The following WASF1 variants were observed in gnomAD, a reference collection of about 807,000 sequenced individuals.
WASF1 encodes WASP family member 1.
WASF1 carries 7 observed loss-of-function variants against 50.5 expected under a neutral mutation model. That is an observed-to-expected ratio of 0.14 (90% CI 0.08 to 0.26). The LOEUF (loss-of-function observed/expected upper bound fraction) is 0.26. Ranked by LOEUF, WASF1 falls within the 10% of genes least tolerant of loss-of-function variation. The pLI, the probability that WASF1 is intolerant of heterozygous loss-of-function variation, is 1.00. For synonymous variants in WASF1, 205 were observed against 244.0 expected (o/e 0.84, Z 1.49); for missense variants, 470 against 694.7 (o/e 0.68, Z 3.64).
intron 2 of WASF1, among the ~76,000 whole-genome samples, chr6:110,174,288 C>G (rs1270377225): frequency 6.6e-6 from 1 of 152,106 alleles, no homozygotes; most frequent in African/African-American, 2.4e-5. Flanking sequence ...ACCAAAATTT[C>G]TAAGTACAAA....
intron 3 of WASF1, among the ~76,000 whole-genome samples, chr6:110,148,202 A>AT: frequency 6.6e-6 from 1 of 152,322 alleles, no homozygotes; most frequent in African/African-American, 2.4e-5. Flanking sequence ...ATTGTACTTT[A>AT]TATGAAAAAC....
At chr6:110,176,289 G>C (rs1191263885) in intron 2 of WASF1, among the ~76,000 whole-genome samples, 2 of 151,806 alleles carry the variant, frequency 1.3e-5, no homozygotes, top group Non-Finnish European at 2.9e-5. Flanking sequence ...ACTAGAAAAC[G>C]TAAGTCACAA....
At chr6:110,171,942 C>CCACTGGT (rs1776735161) in intron 2 of WASF1, among the ~76,000 whole-genome samples, 1 of 152,116 alleles carries the variant, frequency 6.6e-6, no homozygotes, top group Non-Finnish European at 1.5e-5. Context: ...ATGCTCATCA[C>CCACTGGT]CACTGGTCAC....
intron 4 of WASF1, among the ~76,000 whole-genome samples, chr6:110,118,767 A>G (rs1015659391): frequency 6.6e-6 from 1 of 151,562 alleles, no homozygotes; most frequent in South Asian, 2.1e-4. Context: ...CATCACACTT[A>G]TTTTAAAACT....
chr6:110,122,556 A>G (rs529919616), intron 4 of WASF1, among the ~76,000 whole-genome samples: 1 of 152,174 alleles, frequency 6.6e-6, no homozygotes, highest in African/African-American at 2.4e-5. Context: ...AGCAAGACAA[A>G]CTCCTCCTTT....
At chr6:110,114,103 C>A (rs572990742) in intron 4 of WASF1, among the ~76,000 whole-genome samples, 7 of 152,264 alleles carry the variant, frequency 4.6e-5, no homozygotes, top group African/African-American at 1.7e-4. Context: ...GCAGTTAGCT[C>A]TAGTGTTGTT....
chr6:110,109,436 TAC>T, intron 5 of WASF1, among the ~76,000 whole-genome samples: 1 of 152,320 alleles, frequency 6.6e-6, no homozygotes, highest in South Asian at 2.1e-4. Flanking sequence ...TCTTAATTCT[TAC>T]ACTGATATCC....
At position 110,105,543 on chromosome 6, in the gene WASF1, C is replaced by T. The variant is rs745725942; in HGVS notation, c.577G>A (p.Val193Met). The T allele has an allele frequency of 1.2e-6, 2 of 1,613,812 alleles. No individual in the cohort carries two copies. The highest frequency in any genetic ancestry group is 2.2e-5 in the South Asian group (2 of 91,072). Residue 193 changes from valine to methionine, a missense_variant, in exon 8 of 11, where the codon GTG becomes ATG. This residue lies in a region of WASF1 where 140 missense variants were observed against 260.5 expected (regional missense o/e 0.54). Transcript: ENST00000392589. Reference protein sequence around the residue: ...NLDRPHEPEKVPRAPHDRRRE... With the variant: ...NLDRPHEPEKMPRAPHDRRRE... ...CGCCTGTCATGAGGTGCTCTTGGCA[C>T]TTTTTCTGGTTCATGAGGACGATCT...
intron 10 of WASF1, 57 bp downstream of exon 10, chr6:110,101,531 T>C (rs1773085897): frequency 6.5e-7 from 1 of 1,526,736 alleles, no homozygotes; most frequent in African/African-American, 1.4e-5. Context: ...GTCTTAAATA[T>C]TTAGAAAGTT....
intron 2 of WASF1, among the ~76,000 whole-genome samples, chr6:110,178,040 T>C: frequency 6.6e-6 from 1 of 151,538 alleles, no homozygotes; most frequent in East Asian, 1.9e-4. Flanking sequence ...AACTGGATTC[T>C]AAAACAAGTA....
intron 1 of WASF1, among the ~76,000 whole-genome samples, chr6:110,179,174 A>G (rs1777086593): frequency 6.6e-6 from 1 of 152,124 alleles, no homozygotes; most frequent in Non-Finnish European, 1.5e-5. Context: ...CTCCAGCGAG[A>G]GCAGCCCCGG....
At chr6:110,126,103 T>C (rs189100682) in intron 4 of WASF1, among the ~76,000 whole-genome samples, 2 of 152,294 alleles carry the variant, frequency 1.3e-5, no homozygotes, top group Non-Finnish European at 2.9e-5. Flanking sequence ...TATTTTAATA[T>C]TAGCATGCTT....
At chr6:110,124,145 C>T (rs1054271743) in intron 4 of WASF1, among the ~76,000 whole-genome samples, 6 of 149,596 alleles carry the variant, frequency 4.0e-5, no homozygotes, top group Admixed American at 1.3e-4. Context: ...GGTGAAGCCA[C>T]CAGTAATCTG....
chr6:110,167,189 A>C (rs759467919), intron 2 of WASF1, among the ~76,000 whole-genome samples: 12 of 151,928 alleles, frequency 7.9e-5, no homozygotes, highest in Non-Finnish European at 1.8e-4. Context: ...CGCCAGTTAC[A>C]TAAAAGTATA....
chr6:110,147,420 C>T (rs1048400300), intron 3 of WASF1, among the ~76,000 whole-genome samples: 1 of 151,066 alleles, frequency 6.6e-6, no homozygotes, highest in Non-Finnish European at 1.5e-5. Context: ...CTACTAAAGT[C>T]GAAAATAACA....
rs1354382898 is a variant in WASF1, at chr6:110,113,431, A to G, written c.163T>C (p.Leu55=). ...GAAAAACTATGTGCTTCATTGAATA[A>G]TTCTCCAAATATATCTTCAGCATAT... The part of the protein sequence containing the change: ...SKYAEDIFGE[L]FNEAHSFSFR... Residue 55 remains leucine, a synonymous_variant, in exon 5 of 11, where the codon TTA becomes CTA. Coordinates refer to ENST00000392589, the MANE Select transcript of WASF1 (RefSeq NM_003931.3). 1.2e-6 allele frequency: 2 copies of G among 1,601,118 alleles called. No individual in the cohort carries two copies. The highest frequency in any genetic ancestry group is 2.3e-5 in the South Asian group (2 of 88,428).
intron 3 of WASF1, among the ~76,000 whole-genome samples, chr6:110,143,252 A>C (rs1775343111): frequency 1.3e-5 from 2 of 152,014 alleles, no homozygotes; most frequent in South Asian, 4.1e-4. Flanking sequence ...ATAAGATCTC[A>C]CAATATCTTA....
At chr6:110,173,619 A>T (rs1206565869) in intron 2 of WASF1, among the ~76,000 whole-genome samples, 1 of 152,154 alleles carries the variant, frequency 6.6e-6, no homozygotes, top group Non-Finnish European at 1.5e-5. Flanking sequence ...GACTTATGAC[A>T]AAGGTAACTA....
Position 110,179,442 on chromosome 6 carries a change from G to C in WASF1, c.-275C>G, listed in dbSNP as rs538584157. The stretch of plus-strand genomic sequence containing the variant: ...TTCCTCAGGGACTCGCGCTCACCGT[G>C]AAATCTTGGGGGCTCACGCCTTACC... On this transcript the variant is annotated 5_prime_UTR_variant, in exon 1 of 11. Transcript: ENST00000392589. 2.0e-5 allele frequency: 3 copies of C among 152,490 alleles called. No individual in the cohort carries two copies. Among genetic ancestry groups the C allele is most frequent in the African/African-American group, 7.2e-5 (3 of 41,446 alleles). 9.4% of individuals were successfully genotyped at this position (152,490 alleles called of 1,614,324 possible).
Sources: gnomAD v4.1 joint callset for allele counts (sites outside exome capture counted in the v4.1 genomes callset) on GRCh38, gnomAD v4.1.1 for gene constraint, gnomAD v4.1.1 regional missense constraint, MANE v1.5 for transcripts, NCBI Gene and HGNC (gene_info 2026-07-23, HGNC 2026-07-21) for gene names.